The following ENAH variants were observed in gnomAD, a reference collection of about 807,000 sequenced individuals.
The protein encoded by ENAH is protein enabled homolog.
In ENAH, 23 loss-of-function variants were observed where a neutral mutation model predicts 78.7. The ratio of observed to expected loss-of-function variants is 0.29; its 90% CI spans 0.21 to 0.41. The LOEUF (loss-of-function observed/expected upper bound fraction) is 0.41, where lower values mean the gene tolerates loss of function less well. ENAH is among the 10% of genes least tolerant of loss of function. ENAH has a pLI of 1.00. For missense variants in ENAH, 544 were observed against 691.0 expected (o/e 0.79, Z 2.39); for synonymous variants, 226 against 241.0 (o/e 0.94, Z 0.58).
chr1:225,503,670 A>AAAAC (rs1553413051), intron 11 of ENAH, among the ~76,000 whole-genome samples: 2 of 150,156 alleles, frequency 1.3e-5, no homozygotes, highest in African/African-American at 4.9e-5. Flanking sequence ...AAAAAAAAAA[A>AAAAC]AAAAAAAACA....
intron 4 of ENAH, 135 bp from the exon 5 acceptor site, chr1:225,519,700 C>G: frequency 7.7e-7 from 1 of 1,296,848 alleles, no homozygotes; most frequent in Non-Finnish European, 1.1e-6. Context: ...TCTCCTCCCA[C>G]ATGAAGGCTA....
chr1:225,548,404 T>G (rs1226399290), intron 3 of ENAH, among the ~76,000 whole-genome samples: 1 of 152,198 alleles, frequency 6.6e-6, no homozygotes, highest in Non-Finnish European at 1.5e-5. Context: ...ACTCAAGTTC[T>G]TTCTACTAAA....
chr1:225,633,746 T>C (rs1420994278), intron 1 of ENAH, among the ~76,000 whole-genome samples: 3 of 152,120 alleles, frequency 2.0e-5, no homozygotes, highest in Non-Finnish European at 4.4e-5. Flanking sequence ...ATAATATCTA[T>C]TAATATTATT....
chr1:225,539,218 A>C (rs2151313628), intron 3 of ENAH, among the ~76,000 whole-genome samples: 1 of 151,644 alleles, frequency 6.6e-6, no homozygotes, highest in African/African-American at 2.4e-5. Flanking sequence ...CTCTCTCCAA[A>C]CTCTCTCCAT....
chr1:225,560,554 C>T (rs1273159598), intron 2 of ENAH, among the ~76,000 whole-genome samples: 3 of 152,062 alleles, frequency 2.0e-5, no homozygotes, highest in African/African-American at 7.2e-5. Context: ...TTCACAGGCA[C>T]AATCATGGGA....
chr1:225,583,633 CCT>C (rs1162673949), intron 1 of ENAH, among the ~76,000 whole-genome samples: 5 of 150,312 alleles, frequency 3.3e-5, no homozygotes, highest in Non-Finnish European at 7.4e-5. Flanking sequence ...ATGGTGAAAC[CCT>C]GTCTCTACTA....
intron 1 of ENAH, among the ~76,000 whole-genome samples, chr1:225,641,469 TAAAAAAAAAAA>T (rs76444455): frequency 1.9e-5 from 1 of 52,282 alleles, no homozygotes; most frequent in Admixed American, 2.3e-4. Flanking sequence ...ACTCCATCTC[TAAAAAAAAAAA>T]AAAAAAAAAG....
chr1:225,544,031 C>T (rs562249323), intron 3 of ENAH, among the ~76,000 whole-genome samples: 3 of 152,290 alleles, frequency 2.0e-5, no homozygotes, highest in African/African-American at 7.2e-5. Context: ...CTGTAAAAAT[C>T]GTGGAACAGG....
intron 10 of ENAH, chr1:225,508,482 C>CAA (rs1428701319): frequency 6.6e-6 from 1 of 152,148 alleles, no homozygotes; most frequent in Non-Finnish European, 1.5e-5. Flanking sequence ...AATCTAAATC[C>CAA]AAATAGTCCC....
At chr1:225,636,963 T>C (rs146282801) in intron 1 of ENAH, among the ~76,000 whole-genome samples, 1 of 152,042 alleles carries the variant, frequency 6.6e-6, no homozygotes, top group East Asian at 1.9e-4. Context: ...AAGAATGGGA[T>C]TGAGGTGAGC....
rs1458056009 is a variant in ENAH at position 225,491,008 on chromosome 1, T to C, written c.*6767A>G. 6.6e-6 allele frequency: 1 copy of C among 152,288 alleles called. No individual in the cohort carries two copies. The highest frequency in any genetic ancestry group is 1.9e-4 in the East Asian group (1 of 5,192). The allele number at this position is 152,288 out of a possible 1,614,324, so 9.4% of individuals were successfully genotyped here. ...CACCAAGGATGGACAAACCTCAGACTTGATCAATGGGTGGAGGGAAACTCC... is the reference window on the plus strand; with the variant it reads ...CACCAAGGATGGACAAACCTCAGACCTGATCAATGGGTGGAGGGAAACTCC... On this transcript the variant is annotated 3_prime_UTR_variant, in exon 14 of 14. Coordinates refer to ENST00000366843, the MANE Select transcript of ENAH (RefSeq NM_018212.6).
intron 1 of ENAH, chr1:225,652,185 A>AC: frequency 3.8e-6 from 1 of 264,106 alleles, no homozygotes; most frequent in South Asian, 1.4e-4. Flanking sequence ...CAGCTCCTTC[A>AC]CCTACCCCTA....
intron 10 of ENAH, among the ~76,000 whole-genome samples, chr1:225,509,781 C>A (rs1023331467): frequency 1.3e-5 from 2 of 152,132 alleles, no homozygotes; most frequent in Non-Finnish European, 1.5e-5. Context: ...TACAATATTC[C>A]TCAAAAAGAA....
chr1:225,539,489 C>G (rs1457281099), intron 3 of ENAH, among the ~76,000 whole-genome samples: 1 of 152,180 alleles, frequency 6.6e-6, no homozygotes, highest in Non-Finnish European at 1.5e-5. Flanking sequence ...CCAACCTAGA[C>G]AATTACATTA....
rs2096427831 is a variant in ENAH, at chr1:225,517,253, C to G, written c.856G>C (p.Ala286Pro). 4.5e-6 allele frequency: 7 copies of G among 1,551,112 alleles called. No homozygotes were observed. The highest frequency in any genetic ancestry group is 1.4e-5 in the African/African-American group (1 of 73,084). Residue 286 changes from alanine to proline, a missense_variant, in exon 6 of 14, where the codon GCT becomes CCT. Coordinates refer to ENST00000366843, the MANE Select transcript of ENAH (RefSeq NM_018212.6). ...GCTGCCTGCAAGCCTGGCTCAGAAG[C>G]AGAAGAGTCTCCCAGCACAGAGTTT... is the stretch of plus-strand genomic sequence containing the variant. ...PLNSVLGDSS[A>P]SEPGLQAASQ...
chr1:225,600,630 G>A (rs2096925862), intron 1 of ENAH, among the ~76,000 whole-genome samples: 1 of 151,778 alleles, frequency 6.6e-6, no homozygotes, highest in South Asian at 2.1e-4. Context: ...AGCTGAGGTG[G>A]GAGGATTGCT....
chr1:225,498,892 C>T (rs114078988), intron 12 of ENAH, among the ~76,000 whole-genome samples: 2,983 of 152,238 alleles, frequency 0.02, 45 homozygotes, highest in Non-Finnish European at 0.031. Context: ...TCTAGGATTT[C>T]CCTGAAGGGA....
chr1:225,514,740 A>T lies in ENAH; in HGVS notation c.1074T>A (p.Asn358Lys). 1.6e-6 allele frequency: 1 copy of T among 615,708 alleles called. No individual in the cohort carries two copies. The highest frequency in any genetic ancestry group is 2.6e-6 in the Non-Finnish European group (1 of 386,972). 38.1% of individuals were successfully genotyped at this position (615,708 alleles called of 1,614,324 possible). ...PPPPPPPPLPNQVPPPPPPPP... is the reference protein window; with the variant it reads ...PPPPPPPPLPKQVPPPPPPPP... Reference sequence around the variant, plus strand: ...GTGGTGGAGGAGGAGGGGGTACTTGATTAGGGAGAGGAGGGGGAGGAGGGG... The same window carrying T: ...GTGGTGGAGGAGGAGGGGGTACTTGTTTAGGGAGAGGAGGGGGAGGAGGGG... The change falls in exon 7 of 14, where the codon AAT (asparagine) becomes AAA (lysine). Residue 358 changes from asparagine (N) to lysine (K), a missense_variant. By Grantham distance (94) the Asn-to-Lys change is moderately conservative. Coordinates refer to ENST00000366843, the MANE Select transcript of ENAH (RefSeq NM_018212.6).
intron 3 of ENAH, among the ~76,000 whole-genome samples, chr1:225,548,368 A>G (rs1185589512): frequency 6.6e-6 from 1 of 152,204 alleles, no homozygotes; most frequent in Non-Finnish European, 1.5e-5. Context: ...AGAGGGAGAG[A>G]CAGAACTAGA....
Sources: gnomAD v4.1 joint callset for allele counts (sites outside exome capture counted in the v4.1 genomes callset) on GRCh38, gnomAD v4.1.1 for gene constraint, MANE v1.5 for transcripts, NCBI Gene and HGNC (gene_info 2026-07-23, HGNC 2026-07-21) for gene names.